Variants in MAN1A2 observed in about 807,000 individuals in gnomAD.
MAN1A2 encodes mannosyl-oligosaccharide 1,2-alpha-mannosidase IB.
A neutral mutation model predicts 75.7 loss-of-function variants in MAN1A2; 26 were observed. That is an observed-to-expected ratio of 0.34 (90% confidence interval 0.25 to 0.48). The LOEUF (loss-of-function observed/expected upper bound fraction) is 0.48, where lower values mean the gene tolerates loss of function less well. Among genes scored for constraint, MAN1A2 ranks in the 20% least tolerant of loss-of-function variants. The probability of loss-of-function intolerance (pLI) is 0.99; values close to 1 mark genes in which losing one functional copy is unlikely to be tolerated. For missense variants in MAN1A2, 562 were observed against 775.5 expected (o/e 0.72, Z 3.27); for synonymous variants, 247 against 264.6 (o/e 0.93, Z 0.65).
chr1:117,445,049 G>C (rs1649169586), intron 6 of MAN1A2, among the ~76,000 whole-genome samples: 1 of 152,036 alleles, frequency 6.6e-6, no homozygotes, highest in South Asian at 2.1e-4. Flanking sequence ...ATTTCACTGA[G>C]ATGTTCTTGT....
intron 8 of MAN1A2, among the ~76,000 whole-genome samples, chr1:117,490,533 C>T (rs1177605983): frequency 6.6e-6 from 1 of 151,990 alleles, no homozygotes; most frequent in Non-Finnish European, 1.5e-5. Context: ...CTTTGAAAGA[C>T]AACAATATTA....
chr1:117,502,089 T>G (rs1346308203), intron 11 of MAN1A2, among the ~76,000 whole-genome samples: 1 of 151,696 alleles, frequency 6.6e-6, no homozygotes, highest in Non-Finnish European at 1.5e-5. Flanking sequence ...GAATTTTAAC[T>G]CTCAGTCAAG....
chr1:117,493,397 T>G, intron 9 of MAN1A2, 135 bp downstream of exon 9: 3 of 537,770 alleles, frequency 5.6e-6, no homozygotes. Flanking sequence ...TTATATGCAT[T>G]CACTGTAGAG....
intron 1 of MAN1A2, among the ~76,000 whole-genome samples, chr1:117,382,645 G>T (rs568144251): frequency 6.6e-6 from 1 of 152,158 alleles, no homozygotes; most frequent in South Asian, 2.1e-4. Flanking sequence ...TTTTGGCTTA[G>T]GATTGACTTG....
intron 1 of MAN1A2, among the ~76,000 whole-genome samples, chr1:117,393,921 C>G (rs1653822579): frequency 6.6e-6 from 1 of 152,066 alleles, no homozygotes; most frequent in Non-Finnish European, 1.5e-5. Context: ...TGTGTGGAGT[C>G]TAGTGATGGG....
chr1:117,391,545 C>T (rs1325648369), intron 1 of MAN1A2, among the ~76,000 whole-genome samples: 1 of 152,100 alleles, frequency 6.6e-6, no homozygotes, highest in Non-Finnish European at 1.5e-5. Flanking sequence ...CCTTTTTATA[C>T]CTGCTCTAAA....
chr1:117,375,308 C>A (rs1264230776), intron 1 of MAN1A2, among the ~76,000 whole-genome samples: 1 of 152,140 alleles, frequency 6.6e-6, no homozygotes, highest in South Asian at 2.1e-4. Flanking sequence ...ACAAAACACA[C>A]CTCTCATGGG....
At chr1:117,443,482 C>T (rs879219470) in intron 6 of MAN1A2, among the ~76,000 whole-genome samples, 1 of 152,024 alleles carries the variant, frequency 6.6e-6, no homozygotes, top group Non-Finnish European at 1.5e-5. Context: ...TCAGGATCAT[C>T]GTCAGAATCA....
chr1:117,432,882 G>GAT (rs888766653), intron 5 of MAN1A2, among the ~76,000 whole-genome samples: 9 of 147,284 alleles, frequency 6.1e-5, no homozygotes, highest in South Asian at 4.3e-4. Flanking sequence ...TAATATAAAA[G>GAT]ATATATATAT....
At chr1:117,517,735 T>C (rs1023281309) in intron 12 of MAN1A2, among the ~76,000 whole-genome samples, 4 of 152,032 alleles carry the variant, frequency 2.6e-5, no homozygotes, top group Admixed American at 2.0e-4. Flanking sequence ...AACCCTTTTT[T>C]TGAAGAAATA....
intron 1 of MAN1A2, among the ~76,000 whole-genome samples, chr1:117,373,036 G>C (rs560309148): frequency 2.0e-5 from 3 of 152,132 alleles, no homozygotes; most frequent in African/African-American, 4.8e-5. Flanking sequence ...AAACCTGTGC[G>C]CTGTCCAGTA....
intron 3 of MAN1A2, among the ~76,000 whole-genome samples, chr1:117,407,657 G>C (rs1222483400): frequency 6.6e-6 from 1 of 152,218 alleles, no homozygotes; most frequent in East Asian, 1.9e-4. Context: ...CTTGGCATCA[G>C]AGTCCTCTTT....
chr1:117,421,936 G>A (rs1445064090), intron 5 of MAN1A2, among the ~76,000 whole-genome samples: 1 of 152,022 alleles, frequency 6.6e-6, no homozygotes, highest in Non-Finnish European at 1.5e-5. Flanking sequence ...ATTATCCTAC[G>A]TTGTTCATGC....
intron 9 of MAN1A2, among the ~76,000 whole-genome samples, chr1:117,495,693 TG>T (rs1651018078): frequency 6.6e-6 from 1 of 151,850 alleles, no homozygotes; most frequent in African/African-American, 2.4e-5. Context: ...GACAAACATA[TG>T]GATACCATCT....
intron 1 of MAN1A2, among the ~76,000 whole-genome samples, chr1:117,386,806 CCT>C (rs1273125731): frequency 2.2e-4 from 16 of 74,148 alleles, no homozygotes; most frequent in African/African-American, 1.0e-3. Context: ...GTGGCACACA[CCT>C]ATATTTCCAC....
intron 1 of MAN1A2, among the ~76,000 whole-genome samples, chr1:117,391,104 C>T (rs1178201969): frequency 6.6e-6 from 1 of 152,112 alleles, no homozygotes; most frequent in Non-Finnish European, 1.5e-5. Context: ...TATTTGGAGA[C>T]TATCCAGATA....
At chr1:117,474,333 G>C (rs1650251290) in intron 8 of MAN1A2, among the ~76,000 whole-genome samples, 1 of 151,298 alleles carries the variant, frequency 6.6e-6, no homozygotes. Context: ...ACAGATTAAA[G>C]TTACTATAAA....
chr1:117,402,484 TA>T, intron 2 of MAN1A2, 43 bp downstream of exon 2: 1 of 1,520,890 alleles, frequency 6.6e-7, no homozygotes, highest in East Asian at 2.3e-5. Context: ...TATGGATTTG[TA>T]TTTGGATACA....
chr1:117,487,451 G>A (rs1650748072), intron 8 of MAN1A2, among the ~76,000 whole-genome samples: 1 of 151,916 alleles, frequency 6.6e-6, no homozygotes, highest in Non-Finnish European at 1.5e-5. Context: ...GGAGACAATA[G>A]GAAACCAGTT....
Sources: gnomAD v4.1 joint callset for allele counts (sites outside exome capture counted in the v4.1 genomes callset) on GRCh38, gnomAD v4.1.1 for gene constraint, MANE v1.5 for transcripts, NCBI Gene and HGNC (gene_info 2026-07-23, HGNC 2026-07-21) for gene names.